The following GPC6 variants were observed in gnomAD, a reference collection of about 807,000 sequenced individuals.
GPC6 encodes glypican 6.
In GPC6, 14 loss-of-function variants were observed where a neutral mutation model predicts 55.2. That is an observed-to-expected ratio of 0.25 (90% confidence interval 0.17 to 0.40). The LOEUF (loss-of-function observed/expected upper bound fraction) is 0.40. Among genes scored for constraint, GPC6 ranks in the 10% least tolerant of loss-of-function variants. The pLI, the probability that GPC6 is intolerant of heterozygous loss-of-function variation, is 1.00. For synonymous variants in GPC6, 278 were observed against 259.6 expected (o/e 1.07, Z -0.68); for missense variants, 641 against 708.5 (o/e 0.90, Z 1.08).
In GPC6 at chr13:93,353,269, G is replaced by T. The variant is rs963388767; in HGVS notation, c.160+125653G>T. Among the ~76,000 whole-genome samples, 5 of 152,182 alleles carry T rather than the reference G, an allele frequency of 3.3e-5. 1 individual carries two copies. The highest frequency in any genetic ancestry group is 7.3e-5 in the Non-Finnish European group (5 of 68,038). ...ATCATGATGGTTTTGAAAGCTGTGG[G>T]ATTAGATGCCTTCACCTGGAGGAGT... is the stretch of plus-strand genomic sequence containing the variant. On this transcript the variant is annotated intron_variant, in intron 1 of 8. Transcript: ENST00000377047.
rs1879451342 is a variant in GPC6 at position 93,321,859 on chromosome 13, C to A, written c.160+94243C>A. Among the ~76,000 whole-genome samples, 4 of 152,104 alleles carry A rather than the reference C, an allele frequency of 2.6e-5. 1 individual carries two copies. In the South Asian group the frequency reaches 8.3e-4, roughly 32 times the overall value. ...ATTTCAACATCTAGTGTGAGACCAG[C>A]ATTAGCTACCTGCTGGATGGGCTTT... On this transcript the variant is annotated intron_variant, in intron 1 of 8. Transcript: ENST00000377047.
intron 5 of GPC6, among the ~76,000 whole-genome samples, chr13:94,288,536 C>T (rs1050418458): frequency 6.6e-6 from 1 of 151,242 alleles, no homozygotes; most frequent in Non-Finnish European, 1.5e-5. Flanking sequence ...ACCTTCTAAC[C>T]TTGTTTAATA....
chr13:93,446,743 C>T (rs1878019682), intron 1 of GPC6, among the ~76,000 whole-genome samples: 1 of 152,080 alleles, frequency 6.6e-6, no homozygotes, highest in Non-Finnish European at 1.5e-5. Context: ...CTGTTAGATT[C>T]GATGTTTGCT....
At chr13:93,468,522 TA>T (rs1182076084) in intron 1 of GPC6, among the ~76,000 whole-genome samples, 2 of 135,716 alleles carry the variant, frequency 1.5e-5, no homozygotes, top group East Asian at 2.0e-4. Flanking sequence ...AGAAATACTT[TA>T]AAAAATATTT....
intron 2 of GPC6, among the ~76,000 whole-genome samples, chr13:93,752,632 T>C (rs1281918997): frequency 6.6e-6 from 1 of 152,094 alleles, no homozygotes; most frequent in Non-Finnish European, 1.5e-5. Context: ...AGTCTGCCTG[T>C]TACAGAGTTG....
intron 1 of GPC6, among the ~76,000 whole-genome samples, chr13:93,322,431 CTTTTTTTTTTT>C (rs71272281): frequency 1.0e-5 from 1 of 96,790 alleles, no homozygotes; most frequent in Non-Finnish European, 1.9e-5. Flanking sequence ...TTTCTTTCTT[CTTTTTTTTTTT>C]TTTTTTTTTT....
chr13:93,886,899 A>AT (rs1419667642), intron 3 of GPC6, among the ~76,000 whole-genome samples: 32 of 151,622 alleles, frequency 2.1e-4, no homozygotes, highest in Admixed American at 9.2e-4. Flanking sequence ...ATTGATTTTA[A>AT]TTTTTTTTGT....
intron 1 of GPC6, among the ~76,000 whole-genome samples, chr13:93,344,324 C>G (rs1183624604): frequency 6.6e-6 from 1 of 152,210 alleles, no homozygotes; most frequent in African/African-American, 2.4e-5. Context: ...AGCATGGCTG[C>G]CTCCAGAGAA....
chr13:93,721,177 A>G (rs562277246), intron 2 of GPC6, among the ~76,000 whole-genome samples: 1 of 152,098 alleles, frequency 6.6e-6, no homozygotes, highest in African/African-American at 2.4e-5. Flanking sequence ...AAAGTATCCC[A>G]CTATTATTGT....
intron 3 of GPC6, among the ~76,000 whole-genome samples, chr13:93,944,740 A>G (rs891150553): frequency 6.6e-6 from 1 of 152,130 alleles, no homozygotes; most frequent in African/African-American, 2.4e-5. Flanking sequence ...ACTCCTGGTT[A>G]TGGTAAATTC....
At chr13:94,036,638 A>T (rs1883343594) in intron 4 of GPC6, among the ~76,000 whole-genome samples, 1 of 152,028 alleles carries the variant, frequency 6.6e-6, no homozygotes, top group Non-Finnish European at 1.5e-5. Flanking sequence ...AAATCAGCAG[A>T]TGTGAGAAAG....
rs9888474 is a variant in GPC6, at chr13:93,980,080, A to G, written c.712-47649A>G. On this transcript the variant is annotated intron_variant, in intron 3 of 8. Transcript: ENST00000377047. ...GATTTGGACCAAGAGAGATCTTACG[A>G]TTCCCTCCCACAACAAATGGAAATC... is the stretch of plus-strand genomic sequence containing the variant. Among the ~76,000 whole-genome samples, 796 of 152,220 alleles carry G rather than the reference A, an allele frequency of 5.2e-3. 12 individuals are homozygous for G. The highest frequency in any genetic ancestry group is 0.017 in the African/African-American group (690 of 41,546).
In GPC6 at chr13:94,238,052, T is replaced by C. The variant is rs545218269; in HGVS notation, c.878-48297T>C. ...CTGGAAGATGGATTTCCTGTGAAGG[T>C]TGAGGAGAGCAACGAGGTAGATAAA... On this transcript the variant is annotated intron_variant, in intron 4 of 8. Coordinates refer to ENST00000377047, the MANE Select transcript of GPC6 (RefSeq NM_005708.5). 1.5e-3 allele frequency among the ~76,000 whole-genome samples: 233 copies of C among 152,176 alleles called. 4 individuals are homozygous for C. The highest frequency in any genetic ancestry group is 4.6e-3 in the Admixed American group (71 of 15,280).
At chr13:94,175,896 C>CAT (rs1206098704) in intron 4 of GPC6, among the ~76,000 whole-genome samples, 10 of 135,508 alleles carry the variant, frequency 7.4e-5, no homozygotes, top group East Asian at 4.2e-4. Context: ...TATTTATATA[C>CAT]ATATATATAT....
intron 2 of GPC6, among the ~76,000 whole-genome samples, chr13:93,622,976 T>C (rs937689032): frequency 3.9e-5 from 6 of 152,224 alleles, no homozygotes; most frequent in Non-Finnish European, 7.3e-5. Context: ...AGATTAGCTT[T>C]TTAATATTCT....
Position 93,548,900 on chromosome 13 carries a change from A to G in GPC6, c.319+3479A>G, listed in dbSNP as rs777430627. The stretch of plus-strand genomic sequence containing the variant: ...AATTAAAATGTCATGATAAAAGTCT[A>G]TGTAATAGAGGTTTCTTGACATTGC... On this transcript the variant is annotated intron_variant, in intron 2 of 8. Transcript: ENST00000377047. Among the ~76,000 whole-genome samples the G allele has an allele frequency of 1.1e-4, 17 of 152,206 alleles. 1 individual carries two copies. Among genetic ancestry groups the G allele is most frequent in the African/African-American group, 4.1e-4 (17 of 41,458 alleles).
At chr13:94,003,434 C>T (rs1256698732) in intron 3 of GPC6, among the ~76,000 whole-genome samples, 2 of 152,182 alleles carry the variant, frequency 1.3e-5, no homozygotes, top group East Asian at 3.9e-4. Context: ...AAGAGGAGCA[C>T]TGCTCTTAGC....
At chr13:93,859,259 G>A (rs1481779945) in intron 3 of GPC6, among the ~76,000 whole-genome samples, 8 of 151,494 alleles carry the variant, frequency 5.3e-5, no homozygotes, top group African/African-American at 1.7e-4. Flanking sequence ...ATGTATCCAC[G>A]TACCATTTTC....
intron 2 of GPC6, among the ~76,000 whole-genome samples, chr13:93,641,636 C>G (rs1879947237): frequency 6.6e-6 from 1 of 152,062 alleles, no homozygotes. Context: ...CCCTTCACCT[C>G]ACCAGAGGAG....
Sources: allele counts gnomAD v4.1 joint callset (sites outside exome capture counted in the v4.1 genomes callset), GRCh38; gene constraint gnomAD v4.1.1; transcripts MANE v1.5; gene names NCBI Gene and HGNC (gene_info 2026-07-23, HGNC 2026-07-21).